Variants in FMNL2 observed in about 807,000 individuals in gnomAD.
The protein encoded by FMNL2 is formin-like protein 2.
Under a neutral mutation model 130.2 loss-of-function variants are expected in FMNL2, and 51 were observed. The ratio of observed to expected loss-of-function variants is 0.39; its 90% CI spans 0.31 to 0.49. FMNL2 has a LOEUF of 0.49. Among genes scored for constraint, FMNL2 ranks in the 20% least tolerant of loss-of-function variants. The pLI is 0.85. For synonymous variants in FMNL2, 465 were observed against 467.1 expected, an observed-to-expected ratio of 1.00 and a Z score of 0.06; for missense variants, 977 against 1,316.2, an observed-to-expected ratio of 0.74 and a Z score of 3.99.
intron 1 of FMNL2, among the ~76,000 whole-genome samples, chr2:152,411,152 T>G (rs1686264909): frequency 6.6e-6 from 1 of 152,224 alleles, no homozygotes. Flanking sequence ...TCCTAAGGGA[T>G]AGTCAGCTAA....
intron 9 of FMNL2, among the ~76,000 whole-genome samples, chr2:152,595,138 T>C (rs1236646170): frequency 3.9e-5 from 6 of 152,124 alleles, no homozygotes; most frequent in Non-Finnish European, 8.8e-5. Flanking sequence ...CCAGATTTAC[T>C]GGTTCACCAC....
chr2:152,373,066 C>T (rs1468611103), intron 1 of FMNL2, among the ~76,000 whole-genome samples: 2 of 147,634 alleles, frequency 1.4e-5, no homozygotes, highest in Non-Finnish European at 3.0e-5. Context: ...GGTTGTGTAA[C>T]TTGGAACTAA....
intron 7 of FMNL2, among the ~76,000 whole-genome samples, chr2:152,576,160 A>G (rs560269925): frequency 6.6e-6 from 1 of 152,122 alleles, no homozygotes; most frequent in African/African-American, 2.4e-5. Context: ...AGATAAATAC[A>G]TAGGTCGAGG....
intron 8 of FMNL2, among the ~76,000 whole-genome samples, chr2:152,579,386 A>T (rs1323961596): frequency 6.6e-6 from 1 of 152,182 alleles, no homozygotes; most frequent in African/African-American, 2.4e-5. Flanking sequence ...AGCTTTAATT[A>T]CTGAACGAAA....
chr2:152,370,027 G>A (rs1264429724), intron 1 of FMNL2, among the ~76,000 whole-genome samples: 1 of 152,060 alleles, frequency 6.6e-6, no homozygotes, highest in Non-Finnish European at 1.5e-5. Context: ...AAAAGTACAG[G>A]GATTTGACTT....
intron 1 of FMNL2, among the ~76,000 whole-genome samples, chr2:152,373,908 G>A (rs1477116105): frequency 6.6e-6 from 1 of 151,806 alleles, no homozygotes; most frequent in Admixed American, 6.6e-5. Context: ...ACACATTAAT[G>A]GTTGAAGGTT....
At chr2:152,645,478 A>AG in intron 25 of FMNL2, 1 of 1,290,022 alleles carries the variant, frequency 7.8e-7, no homozygotes, top group Non-Finnish European at 1.0e-6. Flanking sequence ...TGTTCACTCG[A>AG]GGGTAAGGAT....
chr2:152,475,670 T>C (rs1374941453), intron 1 of FMNL2, among the ~76,000 whole-genome samples: 2 of 152,012 alleles, frequency 1.3e-5, no homozygotes, highest in Non-Finnish European at 2.9e-5. Context: ...CTTTTTTTAT[T>C]TTTAATTTAG....
intron 1 of FMNL2, among the ~76,000 whole-genome samples, chr2:152,474,865 T>G (rs577175444): frequency 7.9e-5 from 12 of 152,220 alleles, no homozygotes; most frequent in South Asian, 6.2e-4. Flanking sequence ...GAGAACAGAG[T>G]CACAGAGCCG....
intron 1 of FMNL2, among the ~76,000 whole-genome samples, chr2:152,378,920 G>A: frequency 7.5e-6 from 1 of 132,772 alleles, no homozygotes; most frequent in Non-Finnish European, 1.6e-5. Flanking sequence ...CTTGAAGCAG[G>A]TAAGTAGGAG....
rs1324387347 is a variant in FMNL2, at chr2:152,649,333, G to GCAT, written c.*1431_*1433dup. On this transcript the variant is annotated 3_prime_UTR_variant, in exon 26 of 26. Transcript: ENST00000288670. ...AATATTGTAAATATTGTTTTAAAAT[G>GCAT]CATCAGCCTATGCTATACAATCTGA... The GCAT allele has an allele frequency of 6.6e-6, 1 of 152,248 alleles. No individual in the cohort carries two copies. The highest frequency in any genetic ancestry group is 1.5e-5 in the Non-Finnish European group (1 of 67,980). 9.4% of individuals were successfully genotyped at this position (152,248 alleles called of 1,614,324 possible). A position where few individuals can be genotyped will look rare whatever the true frequency, so the allele number is the denominator to read the frequency against.
chr2:152,585,680 A>G (rs1220891963), intron 9 of FMNL2, among the ~76,000 whole-genome samples: 4 of 152,124 alleles, frequency 2.6e-5, no homozygotes, highest in Admixed American at 6.5e-5. Flanking sequence ...TCCAAATGAC[A>G]TGGACCATAG....
At chr2:152,559,033 AAATC>A (rs1327226799) in intron 5 of FMNL2, among the ~76,000 whole-genome samples, 1 of 152,198 alleles carries the variant, frequency 6.6e-6, no homozygotes, top group Non-Finnish European at 1.5e-5. Context: ...AGGTGAATAA[AAATC>A]ACTCTTAAAG....
chr2:152,607,011 T>G (rs1216502642), intron 9 of FMNL2, among the ~76,000 whole-genome samples: 32 of 131,316 alleles, frequency 2.4e-4, no homozygotes, highest in Admixed American at 1.1e-3. Context: ...TTTTTGTTTT[T>G]TTTTTTTTTT....
At chr2:152,415,045 T>C (rs1480654180) in intron 1 of FMNL2, among the ~76,000 whole-genome samples, 3 of 152,196 alleles carry the variant, frequency 2.0e-5, no homozygotes, top group Non-Finnish European at 4.4e-5. Context: ...AAAGTATCTT[T>C]CCACAGATTC....
At chr2:152,630,237 T>C (rs1682069027) in intron 20 of FMNL2, among the ~76,000 whole-genome samples, 1 of 152,210 alleles carries the variant, frequency 6.6e-6, no homozygotes, top group Non-Finnish European at 1.5e-5. Context: ...TGAACTATTA[T>C]TCTTCCACCG....
intron 1 of FMNL2, among the ~76,000 whole-genome samples, chr2:152,431,490 A>G (rs995064438): frequency 1.3e-5 from 2 of 152,250 alleles, no homozygotes; most frequent in African/African-American, 4.8e-5. Context: ...GATGAAACAC[A>G]TTTCATTCTA....
intron 2 of FMNL2, among the ~76,000 whole-genome samples, chr2:152,533,033 CTTT>C (rs1288883915): frequency 6.6e-6 from 1 of 152,138 alleles, no homozygotes; most frequent in Non-Finnish European, 1.5e-5. Flanking sequence ...TTTTGTCTCA[CTTT>C]TTAGTATTTA....
chr2:152,508,425 A>G (rs1047399438), intron 1 of FMNL2, among the ~76,000 whole-genome samples: 5 of 152,218 alleles, frequency 3.3e-5, no homozygotes, highest in South Asian at 2.1e-4. Flanking sequence ...AATCAGAGGT[A>G]TGCTTCAAGT....
Sources: allele counts gnomAD v4.1 joint callset (sites outside exome capture counted in the v4.1 genomes callset), GRCh38; gene constraint gnomAD v4.1.1; transcripts MANE v1.5; gene names NCBI Gene and HGNC (gene_info 2026-07-23, HGNC 2026-07-21).